CCNY: variants seen among roughly 807,000 people sequenced by gnomAD.
CCNY encodes cyclin-Y.
Under a neutral mutation model 42.8 loss-of-function variants are expected in CCNY, and 19 were observed. The ratio of observed to expected loss-of-function variants is 0.44; its 90% CI spans 0.31 to 0.65. CCNY has a LOEUF of 0.65. Among genes scored for constraint, CCNY ranks in the 30% least tolerant of loss-of-function variants. The probability of loss-of-function intolerance (pLI) is 0.07; values close to 1 mark genes in which losing one functional copy is unlikely to be tolerated. For synonymous variants in CCNY, 165 were observed against 162.7 expected, an observed-to-expected ratio of 1.01 and a Z score of -0.11; for missense variants, 370 against 437.3, an observed-to-expected ratio of 0.85 and a Z score of 1.37.
intron 3 of CCNY, among the ~76,000 whole-genome samples, chr10:35,283,048 G>GTC (rs1405021114): frequency 3.3e-5 from 5 of 152,172 alleles, no homozygotes; most frequent in Non-Finnish European, 7.3e-5. Flanking sequence ...GGATCATTGA[G>GTC]GGTACAGTTC....
chr10:35,509,112 A>C (rs1589167426), intron 3 of CCNY, among the ~76,000 whole-genome samples: 1 of 152,258 alleles, frequency 6.6e-6, no homozygotes, highest in East Asian at 1.9e-4. Context: ...TTCTACCATA[A>C]AGTTGGCATT....
intron 3 of CCNY, among the ~76,000 whole-genome samples, chr10:35,299,041 T>C (rs1835503979): frequency 2.0e-5 from 3 of 152,254 alleles, no homozygotes; most frequent in African/African-American, 7.2e-5. Flanking sequence ...TGACAACTGT[T>C]TTCAAAGTGA....
intron 1 of CCNY, among the ~76,000 whole-genome samples, chr10:35,397,020 C>G (rs11593022): frequency 0.016 from 2,431 of 152,306 alleles, 35 homozygotes; most frequent in Middle Eastern, 0.027. Context: ...GGAGCAGGTT[C>G]TTAGCACTGC....
chr10:35,287,659 A>G (rs903403613), intron 3 of CCNY, among the ~76,000 whole-genome samples: 1 of 152,188 alleles, frequency 6.6e-6, no homozygotes, highest in African/African-American at 2.4e-5. Context: ...TGGGTCTATC[A>G]GTAGTTCATT....
intron 1 of CCNY, among the ~76,000 whole-genome samples, chr10:35,450,291 T>C (rs1838889304): frequency 6.6e-6 from 1 of 151,922 alleles, no homozygotes; most frequent in Admixed American, 6.6e-5. Flanking sequence ...CAGGGAGTCC[T>C]TTTGGTGACT....
At chr10:35,501,602 C>T in intron 3 of CCNY, 67 bp downstream of exon 3, 1 of 1,342,158 alleles carries the variant, frequency 7.5e-7, no homozygotes, top group Non-Finnish European at 1.1e-6. Flanking sequence ...AAATAACTGT[C>T]TGTGATGGAT....
chr10:35,371,204 C>G, intron 1 of CCNY, among the ~76,000 whole-genome samples: 1 of 152,172 alleles, frequency 6.6e-6, no homozygotes, highest in Non-Finnish European at 1.5e-5. Context: ...TGCTGGGATA[C>G]AGAAGCAACG....
At chr10:35,466,586 C>G (rs1839274659) in intron 1 of CCNY, among the ~76,000 whole-genome samples, 1 of 152,154 alleles carries the variant, frequency 6.6e-6, no homozygotes, top group African/African-American at 2.4e-5. Flanking sequence ...GGAACAGGCA[C>G]TAGCATTTAT....
At chr10:35,539,517 A>G (rs1319624384) in intron 7 of CCNY, among the ~76,000 whole-genome samples, 1 of 152,196 alleles carries the variant, frequency 6.6e-6, no homozygotes, top group Non-Finnish European at 1.5e-5. Flanking sequence ...GGCAGGGTGC[A>G]GTGGCTCACG....
chr10:35,379,921 A>G (rs958563529), intron 1 of CCNY, among the ~76,000 whole-genome samples: 2 of 152,326 alleles, frequency 1.3e-5, no homozygotes, highest in African/African-American at 4.8e-5. Context: ...CATAGCTGTC[A>G]TCTCCAGGAA....
At chr10:35,275,145 T>C (rs1835223500) in intron 3 of CCNY, among the ~76,000 whole-genome samples, 1 of 133,514 alleles carries the variant, frequency 7.5e-6, no homozygotes, top group African/African-American at 2.8e-5. Context: ...CTCACTGCAA[T>C]CTCAGCCTCC....
intron 4 of CCNY, among the ~76,000 whole-genome samples, chr10:35,518,760 G>T (rs185608859): frequency 3.0e-4 from 41 of 135,194 alleles, no homozygotes; most frequent in African/African-American, 1.3e-3. Context: ...ATTTGGATTT[G>T]TAACAGCTCT....
chr10:35,400,758 G>C (rs1471790475), intron 1 of CCNY, among the ~76,000 whole-genome samples: 1 of 152,150 alleles, frequency 6.6e-6, no homozygotes, highest in African/African-American at 2.4e-5. Context: ...ATTGTAACTT[G>C]ACTTCTCTCT....
At chr10:35,414,393 C>G (rs1837980157) in intron 1 of CCNY, among the ~76,000 whole-genome samples, 1 of 152,248 alleles carries the variant, frequency 6.6e-6, no homozygotes, top group Non-Finnish European at 1.5e-5. Context: ...GCCCCACGTT[C>G]CGTGTCCTGT....
chr10:35,425,615 T>A lies in CCNY; in HGVS notation c.155-57789T>A, dbSNP rs111719990. 3.4e-3 allele frequency among the ~76,000 whole-genome samples: 512 copies of A among 152,316 alleles called. 4 individuals carry two copies. The highest frequency in any genetic ancestry group is 0.012 in the African/African-American group (481 of 41,566). Reference sequence around the variant, plus strand: ...ATAACAAAGAACAGTATGGTAAGAATGCACCAATGTTTGTTTATAGCATAT... The same window carrying A: ...ATAACAAAGAACAGTATGGTAAGAAAGCACCAATGTTTGTTTATAGCATAT... On this transcript the variant is annotated intron_variant, in intron 1 of 9. Coordinates refer to ENST00000374704, the MANE Select transcript of CCNY (RefSeq NM_145012.6).
intron 3 of CCNY, among the ~76,000 whole-genome samples, chr10:35,310,685 A>AT (rs1835672681): frequency 6.6e-6 from 1 of 152,158 alleles, no homozygotes; most frequent in Admixed American, 6.5e-5. Flanking sequence ...ACTGTTGGTC[A>AT]TTTGTGTGTC....
At chr10:35,363,028 C>T (rs1344930345) in intron 1 of CCNY, among the ~76,000 whole-genome samples, 6 of 122,550 alleles carry the variant, frequency 4.9e-5, no homozygotes, top group East Asian at 5.6e-4. Context: ...GGTGGTGGGC[C>T]GCCGGCGGCC....
chr10:35,547,639 G>A (rs1841144437), intron 7 of CCNY, among the ~76,000 whole-genome samples: 1 of 152,112 alleles, frequency 6.6e-6, no homozygotes. Context: ...ATGTAGTCCC[G>A]CTGACTTCCT....
intron 3 of CCNY, among the ~76,000 whole-genome samples, chr10:35,307,015 C>A (rs557880552): frequency 1.2e-3 from 179 of 152,250 alleles, no homozygotes; most frequent in African/African-American, 4.1e-3. Context: ...GTCCCGCACC[C>A]TAGGAAGCAG....
Sources: gnomAD v4.1 joint callset for allele counts (sites outside exome capture counted in the v4.1 genomes callset) on GRCh38, gnomAD v4.1.1 for gene constraint, MANE v1.5 for transcripts, NCBI Gene and HGNC (gene_info 2026-07-23, HGNC 2026-07-21) for gene names.